ESRRG: variants seen among roughly 807,000 people sequenced by gnomAD.
The protein encoded by ESRRG is estrogen related receptor gamma.
A neutral mutation model predicts 44.0 loss-of-function variants in ESRRG; 13 were observed. The ratio of observed to expected loss-of-function variants is 0.30; its 90% CI spans 0.19 to 0.47. The LOEUF (loss-of-function observed/expected upper bound fraction) is 0.47, where lower values mean the gene tolerates loss of function less well. Ranked by LOEUF, ESRRG falls within the 20% of genes least tolerant of loss-of-function variation. The pLI, the probability that ESRRG is intolerant of heterozygous loss-of-function variation, is 1.00. For synonymous variants in ESRRG, 215 were observed against 214.6 expected (o/e 1.00, Z -0.02); for missense variants, 395 against 580.6 (o/e 0.68, Z 3.29).
intron 2 of ESRRG, among the ~76,000 whole-genome samples, chr1:216,831,400 C>T (rs1350887098): frequency 6.6e-6 from 1 of 151,924 alleles, no homozygotes; most frequent in Non-Finnish European, 1.5e-5. Flanking sequence ...TCTAAACTCG[C>T]TTTTACCAAA....
chr1:216,880,260 T>C (rs1319608800), intron 2 of ESRRG, among the ~76,000 whole-genome samples: 2 of 128,444 alleles, frequency 1.6e-5, no homozygotes, highest in Non-Finnish European at 3.1e-5. Flanking sequence ...TGTGCCAAGA[T>C]TGTGCCACTG....
chr1:216,901,097 T>A (rs2059016512), intron 2 of ESRRG, among the ~76,000 whole-genome samples: 1 of 151,930 alleles, frequency 6.6e-6, no homozygotes, highest in Non-Finnish European at 1.5e-5. Context: ...TAACAAAACA[T>A]GATTGGAATT....
intron 3 of ESRRG, among the ~76,000 whole-genome samples, chr1:216,587,563 A>G (rs1486905540): frequency 1.3e-5 from 2 of 152,328 alleles, no homozygotes; most frequent in Non-Finnish European, 2.9e-5. Context: ...GACTAAATTA[A>G]CCCAAAAATG....
Position 217,102,096 on chromosome 1 carries a change from G to A in ESRRG, c.-230+35571C>T, listed in dbSNP as rs369491474. 4.9e-4 allele frequency among the ~76,000 whole-genome samples: 75 copies of A among 152,280 alleles called. No individual in the cohort carries two copies. The South Asian group carries it at 8.5e-3, about 17-fold the overall frequency. On this transcript the variant is annotated intron_variant, in intron 1 of 8. Coordinates refer to the ESRRG transcript ENST00000366940. ...GCTGGGACTACAGGTGTGAGCCACCGCACCCTGCCTAAACCAACTTTTTAA... is the reference window on the plus strand; with the variant it reads ...GCTGGGACTACAGGTGTGAGCCACCACACCCTGCCTAAACCAACTTTTTAA...
chr1:217,098,558 GAGTGT>G (rs1261704345), intron 1 of ESRRG, among the ~76,000 whole-genome samples: 1 of 152,148 alleles, frequency 6.6e-6, no homozygotes, highest in African/African-American at 2.4e-5. Flanking sequence ...GGGCAAGTAG[GAGTGT>G]ATCCACATTT....
chr1:216,736,080 G>T lies in ESRRG; in HGVS notation c.-13-58589C>A, dbSNP rs998173530. On this transcript the variant is annotated intron_variant, in intron 2 of 7. Coordinates refer to the ESRRG transcript ENST00000359162. The stretch of plus-strand genomic sequence containing the variant: ...CTTGAGAAAGATGAGAACAGGGGGG[G>T]AGTTTCCCAAATGCCCATTCCTAGG... Among the ~76,000 whole-genome samples the T allele has an allele frequency of 5.3e-3, 803 of 151,024 alleles. 4 individuals are homozygous for T. The highest frequency in any genetic ancestry group is 0.018 in the African/African-American group (755 of 41,236).
chr1:216,729,034 G>A (rs1190659029), intron 2 of ESRRG, among the ~76,000 whole-genome samples: 2 of 152,084 alleles, frequency 1.3e-5, no homozygotes, highest in East Asian at 3.9e-4. Context: ...ACATGCCTTG[G>A]GTTCAGATTC....
At chr1:216,634,024 T>A (rs567261356) in intron 3 of ESRRG, among the ~76,000 whole-genome samples, 11 of 152,194 alleles carry the variant, frequency 7.2e-5, no homozygotes, top group Non-Finnish European at 1.3e-4. Flanking sequence ...CTCCAATCTC[T>A]AACAGAAGGT....
intron 3 of ESRRG, among the ~76,000 whole-genome samples, chr1:216,599,959 T>C (rs2058975003): frequency 6.6e-6 from 1 of 152,264 alleles, no homozygotes; most frequent in Non-Finnish European, 1.5e-5. Flanking sequence ...ATTTCCCTGT[T>C]AATTAAAACT....
intron 1 of ESRRG, among the ~76,000 whole-genome samples, chr1:216,957,321 A>G (rs942803563): frequency 2.0e-5 from 3 of 152,168 alleles, no homozygotes; most frequent in Non-Finnish European, 4.4e-5. Flanking sequence ...CCACATTTAT[A>G]ACCTTAGCCA....
At chr1:216,625,416 C>T (rs1447168263) in intron 3 of ESRRG, among the ~76,000 whole-genome samples, 1 of 54,434 alleles carries the variant, frequency 1.8e-5, no homozygotes, top group East Asian at 7.2e-4. Flanking sequence ...TACTGATGCT[C>T]ATTTGGCAAA....
chr1:216,834,955 G>T (rs1257033544), intron 2 of ESRRG, among the ~76,000 whole-genome samples: 3 of 152,158 alleles, frequency 2.0e-5, no homozygotes, highest in Non-Finnish European at 4.4e-5. Context: ...CAGTAGGGAG[G>T]CAGACTCCAG....
At chr1:216,614,189 G>T (rs540705232) in intron 3 of ESRRG, among the ~76,000 whole-genome samples, 5 of 152,206 alleles carry the variant, frequency 3.3e-5, no homozygotes. Flanking sequence ...GCCTCAGAGC[G>T]ATTAAATTGT....
chr1:216,699,657 GAA>G (rs142952797), intron 1 of ESRRG, among the ~76,000 whole-genome samples: 1 of 148,376 alleles, frequency 6.7e-6, no homozygotes, highest in African/African-American at 2.5e-5. Flanking sequence ...TTGTTACACT[GAA>G]AAAAAAAATG....
At chr1:216,705,699 T>C (rs1159251315) in intron 1 of ESRRG, among the ~76,000 whole-genome samples, 1 of 152,192 alleles carries the variant, frequency 6.6e-6, no homozygotes, top group East Asian at 1.9e-4. Flanking sequence ...GAGCAGCAGG[T>C]TCTTTCAGAT....
chr1:216,912,701 C>T (rs1385809997), intron 2 of ESRRG, among the ~76,000 whole-genome samples: 1 of 152,144 alleles, frequency 6.6e-6, no homozygotes, highest in Admixed American at 6.6e-5. Flanking sequence ...CCATCTGACA[C>T]TGTGTGTGTG....
intron 2 of ESRRG, among the ~76,000 whole-genome samples, chr1:216,850,408 T>C (rs954769577): frequency 2.0e-5 from 3 of 152,106 alleles, no homozygotes; most frequent in Non-Finnish European, 2.9e-5. Context: ...TTGGTGTGAG[T>C]GACATTAAGT....
chr1:216,647,551 T>G (rs550700109), intron 3 of ESRRG, among the ~76,000 whole-genome samples: 2 of 152,322 alleles, frequency 1.3e-5, no homozygotes, highest in African/African-American at 4.8e-5. Context: ...ATAATTCCAT[T>G]GCTTGCTAAT....
intron 5 of ESRRG, among the ~76,000 whole-genome samples, chr1:216,537,122 G>A (rs1263375652): frequency 6.6e-6 from 1 of 151,996 alleles, no homozygotes; most frequent in African/African-American, 2.4e-5. Flanking sequence ...ATCGCCAAAG[G>A]TATGACATTA....
Sources: gnomAD v4.1 joint callset for allele counts (sites outside exome capture counted in the v4.1 genomes callset) on GRCh38, gnomAD v4.1.1 for gene constraint, MANE v1.5 for transcripts, NCBI Gene and HGNC (gene_info 2026-07-23, HGNC 2026-07-21) for gene names.